Variants in CDCA2 observed in about 807,000 individuals in gnomAD.
CDCA2 encodes cell division cycle-associated protein 2.
CDCA2 carries 44 observed loss-of-function variants against 67.0 expected under a neutral mutation model. The ratio of observed to expected loss-of-function variants is 0.66; its 90% CI spans 0.52 to 0.84. The LOEUF (loss-of-function observed/expected upper bound fraction) is 0.84. CDCA2 is among the 40% of genes least tolerant of loss of function. The pLI is 0.00. For synonymous variants in CDCA2, 447 were observed against 418.7 expected (o/e 1.07, Z -0.82); for missense variants, 1,253 against 1,203.2 (o/e 1.04, Z -0.61).
intron 13 of CDCA2, 128 bp downstream of exon 13, chr8:25,488,817 C>A: frequency 3.4e-6 from 3 of 882,018 alleles, no homozygotes; most frequent in South Asian, 2.3e-5. Context: ...GCAATCTTAC[C>A]GTGGAGTAGA....
chr8:25,503,832 C>T (rs1276865959), intron 14 of CDCA2, among the ~76,000 whole-genome samples: 1 of 152,056 alleles, frequency 6.6e-6, no homozygotes, highest in Non-Finnish European at 1.5e-5. Flanking sequence ...TCTGTGCATC[C>T]TGTTTCCTTT....
At chr8:25,470,919 G>A (rs2117492246) in intron 7 of CDCA2, among the ~76,000 whole-genome samples, 1 of 152,072 alleles carries the variant, frequency 6.6e-6, no homozygotes. Context: ...GCACCACCAT[G>A]CCCAGCTAAT....
At chr8:25,488,854 C>T (rs6557843) in intron 13 of CDCA2, among the ~76,000 whole-genome samples, 165 bp downstream of exon 13, 84,554 of 151,802 alleles carry the variant, frequency 0.56, 24,827 homozygotes, top group Middle Eastern at 0.66. Context: ...ATGTACTTAA[C>T]TCTGAATTGC....
intron 13 of CDCA2, among the ~76,000 whole-genome samples, chr8:25,498,824 CG>C (rs1282044360): frequency 6.6e-6 from 1 of 152,056 alleles, no homozygotes; most frequent in East Asian, 1.9e-4. Context: ...CTGTGTAACT[CG>C]GGGACTGGCT....
At position 25,507,358 on chromosome 8, in the gene CDCA2, A is replaced by G; in HGVS notation, c.2692A>G (p.Lys898Glu). ...AGTGCGACGTAGCACGAGGCTACAG[A>G]AGGATTTAGAAAACGAAGGTCTTGT... ...TKVRRSTRLQ[K>E]DLENEGLVWI... The change falls in exon 15 of 15, where the codon AAG becomes GAG. Residue 898 changes from lysine to glutamate, a missense_variant. Transcript: ENST00000330560. 6.2e-7 allele frequency: 1 copy of G among 1,613,374 alleles called. No homozygotes were observed.
At chr8:25,460,638 A>C (rs1294147742) in intron 3 of CDCA2, 84 bp downstream of exon 3, 11 of 1,410,346 alleles carry the variant, frequency 7.8e-6, no homozygotes, top group Non-Finnish European at 1.1e-5. Flanking sequence ...GTTTATACGT[A>C]CTGTCATATT....
intron 10 of CDCA2, among the ~76,000 whole-genome samples, chr8:25,484,856 G>T (rs1360149065): frequency 6.6e-6 from 1 of 152,102 alleles, no homozygotes; most frequent in South Asian, 2.1e-4. Context: ...AATTGAAGGG[G>T]TAGGTTAATT....
intron 8 of CDCA2, among the ~76,000 whole-genome samples, chr8:25,480,348 A>ATG (rs1803521088): frequency 6.6e-6 from 1 of 152,146 alleles, no homozygotes; most frequent in Non-Finnish European, 1.5e-5. Flanking sequence ...GCAGAATTTA[A>ATG]TGTAAGTAGA....
chr8:25,487,386 C>G, intron 12 of CDCA2, 52 bp downstream of exon 12: 1 of 1,203,346 alleles, frequency 8.3e-7, no homozygotes, highest in African/African-American at 1.5e-5. Context: ...GTGCAATATA[C>G]TTTTCTGTTT....
At chr8:25,496,206 A>T (rs1207210152) in intron 13 of CDCA2, among the ~76,000 whole-genome samples, 1 of 152,244 alleles carries the variant, frequency 6.6e-6, no homozygotes. Flanking sequence ...AGGGACTTAC[A>T]CTGACCAGAT....
intron 12 of CDCA2, 95 bp from the exon 13 acceptor site, chr8:25,488,457 A>G (rs536227230): frequency 2.5e-5 from 29 of 1,165,208 alleles, no homozygotes; most frequent in African/African-American, 2.0e-4. Context: ...CTAAAGTGGT[A>G]GAAGCATCCT....
intron 13 of CDCA2, among the ~76,000 whole-genome samples, chr8:25,490,853 A>C (rs991034007): frequency 6.6e-6 from 1 of 152,198 alleles, no homozygotes; most frequent in Non-Finnish European, 1.5e-5. Flanking sequence ...CGCAGGAAAG[A>C]GACTGAGCTG....
At chr8:25,471,764 T>C (rs149986284) in intron 7 of CDCA2, among the ~76,000 whole-genome samples, 133 of 152,306 alleles carry the variant, frequency 8.7e-4, no homozygotes, top group Non-Finnish European at 1.5e-3. Flanking sequence ...GATTCACAGT[T>C]GTCATCATAC....
chr8:25,471,719 C>G (rs1445839943), intron 7 of CDCA2, among the ~76,000 whole-genome samples: 2 of 152,138 alleles, frequency 1.3e-5, no homozygotes, highest in East Asian at 3.9e-4. Context: ...GACAGATTCT[C>G]TGTGACAGTG....
Position 25,488,695 on chromosome 8 carries a change from C to A in CDCA2, c.1671+6C>A. On this transcript the variant is annotated splice_donor_region_variant and intron_variant, in intron 13 of 14. Coordinates refer to ENST00000330560, the MANE Select transcript of CDCA2 (RefSeq NM_152562.4). ...CACTTCCTAAGAAGAGTCAGGTAAG[C>A]ATGTGTTTAAAGATATAATAAAGAG... is the stretch of plus-strand genomic sequence containing the variant. The A allele has an allele frequency of 6.3e-7, 1 of 1,595,502 alleles. No individual in the cohort carries two copies.
chr8:25,477,225 T>A (rs1803386338), intron 7 of CDCA2, among the ~76,000 whole-genome samples: 1 of 152,190 alleles, frequency 6.6e-6, no homozygotes, highest in Non-Finnish European at 1.5e-5. Context: ...GATATAGACA[T>A]CTACAACCAG....
chr8:25,500,446 T>C (rs1804427430), intron 13 of CDCA2, among the ~76,000 whole-genome samples: 1 of 152,170 alleles, frequency 6.6e-6, no homozygotes, highest in Non-Finnish European at 1.5e-5. Flanking sequence ...CATTCCACAG[T>C]GCATACATAT....
chr8:25,497,432 G>A (rs1006095123), intron 13 of CDCA2, among the ~76,000 whole-genome samples: 12 of 148,952 alleles, frequency 8.1e-5, no homozygotes, highest in Admixed American at 4.0e-4. Context: ...AGGGCATTAC[G>A]TTAAGTAAAA....
In CDCA2 at chr8:25,483,447, A is replaced by G; in HGVS notation, c.1081A>G (p.Ile361Val). The G allele has an allele frequency of 3.1e-6, 5 of 1,612,262 alleles. No individual in the cohort carries two copies. The highest frequency in any genetic ancestry group is 4.2e-6 in the Non-Finnish European group (5 of 1,179,224). The stretch of plus-strand genomic sequence containing the variant: ...TGATGATGGGACTCATCCGAGCTTA[A>G]TCTCAAATCTCCCAAACTGTTGCAA... ...YDDDGTHPSL[I>V]SNLPNCCKEK... The change falls in exon 9 of 15, where the codon ATC becomes GTC. Residue 361 changes from isoleucine (I) to valine (V), a missense_variant. Ile to Val is a conservative substitution (Grantham distance 29). Transcript: ENST00000330560.
Sources: gnomAD v4.1 joint callset for allele counts (sites outside exome capture counted in the v4.1 genomes callset) on GRCh38, gnomAD v4.1.1 for gene constraint, MANE v1.5 for transcripts, NCBI Gene and HGNC (gene_info 2026-07-23, HGNC 2026-07-21) for gene names.